Variants in SYNE1 observed in about 807,000 individuals in gnomAD.
SYNE1 encodes the protein spectrin repeat containing nuclear envelope protein 1.
A neutral mutation model predicts 1,111.0 loss-of-function variants in SYNE1; 616 were observed. The observed-to-expected ratio is 0.55, with a 90% CI of 0.52 to 0.59. The LOEUF (loss-of-function observed/expected upper bound fraction) is 0.59, where lower values mean the gene tolerates loss of function less well. SYNE1 is among the 20% of genes least tolerant of loss of function. SYNE1 has a pLI of 0.00. For missense variants in SYNE1, 10,006 were observed against 10,417.0 expected, an observed-to-expected ratio of 0.96 and a Z score of 1.72; for synonymous variants, 3,855 against 3,825.8, an observed-to-expected ratio of 1.01 and a Z score of -0.28.
Position 152,152,310 on chromosome 6 carries a change from T to C in SYNE1, c.24130-169A>G, listed in dbSNP as rs1327336397. Among the ~76,000 whole-genome samples, 3 of 152,216 alleles carry C rather than the reference T, an allele frequency of 2.0e-5. No individual in the cohort carries two copies. In the East Asian group the frequency reaches 5.8e-4, roughly 29 times the overall value. ...TTCCCCTTGTTAATGCAAAGTCATC[T>C]AGTCAGCGTAACTTAAAGGAAAGGG... On this transcript the variant is annotated intron_variant, in intron 133 of 145. Transcript: ENST00000367255.
chr6:152,420,907 A>G (rs1053451824), intron 39 of SYNE1, among the ~76,000 whole-genome samples: 4 of 152,168 alleles, frequency 2.6e-5, no homozygotes, highest in Non-Finnish European at 5.9e-5. Flanking sequence ...TGATTTTTCC[A>G]GAAATTGGAG....
At chr6:152,129,919 G>C (rs887621990) in intron 145 of SYNE1, among the ~76,000 whole-genome samples, 1 of 152,180 alleles carries the variant, frequency 6.6e-6, no homozygotes, top group Admixed American at 6.5e-5. Context: ...TTAGAAAGCT[G>C]TCTGGGGAAA....
At chr6:152,523,185 A>G (rs1433987549) in intron 5 of SYNE1, among the ~76,000 whole-genome samples, 1 of 152,046 alleles carries the variant, frequency 6.6e-6, no homozygotes, top group East Asian at 1.9e-4. Flanking sequence ...ATGGGGTTTC[A>G]GGTCTTAGAT....
chr6:152,167,000 G>A (rs1391896975), intron 130 of SYNE1, among the ~76,000 whole-genome samples: 4 of 151,930 alleles, frequency 2.6e-5, no homozygotes, highest in Non-Finnish European at 4.4e-5. Context: ...ATCTATCATC[G>A]TGAGAAGTCT....
rs760044023 is a variant in SYNE1, at chr6:152,359,298, A to G, written c.10443+17T>C. 1.2e-6 allele frequency: 2 copies of G among 1,613,438 alleles called. No individual in the cohort carries two copies. Among genetic ancestry groups the G allele is most frequent in the Admixed American group, 1.7e-5 (1 of 60,014 alleles). On this transcript the variant is annotated intron_variant, in intron 65 of 145. Transcript: ENST00000367255. ...CTCCCCTTTTGGTGAGTCTACAAGG[A>G]AAGTGCTTTGCCGTACCTTGGCCCT... is the stretch of plus-strand genomic sequence containing the variant.
intron 9 of SYNE1, among the ~76,000 whole-genome samples, chr6:152,502,961 A>G (rs1277183074): frequency 6.6e-6 from 1 of 152,176 alleles, no homozygotes; most frequent in African/African-American, 2.4e-5. Context: ...ATTTAAACAA[A>G]CAGCGTTTAA....
At chr6:152,392,630 A>T (rs6922428) in intron 51 of SYNE1, among the ~76,000 whole-genome samples, 1 of 152,172 alleles carries the variant, frequency 6.6e-6, no homozygotes, top group Non-Finnish European at 1.5e-5. Context: ...TAAGAGTTAT[A>T]CAACAAGACA....
At chr6:152,332,713 T>C (rs536198369) in intron 77 of SYNE1, among the ~76,000 whole-genome samples, 85 of 152,348 alleles carry the variant, frequency 5.6e-4, no homozygotes, top group African/African-American at 2.0e-3. Context: ...GGCTACTTAA[T>C]TGTGTACTTG....
chr6:152,359,211 GT>G, intron 65 of SYNE1, 103 bp downstream of exon 65: 2 of 1,528,490 alleles, frequency 1.3e-6, no homozygotes, highest in Non-Finnish European at 1.8e-6. Context: ...CTTTTGTTCT[GT>G]TTTCCCAAGC....
chr6:152,298,798 CA>C (rs2095022736), intron 93 of SYNE1, among the ~76,000 whole-genome samples: 2 of 152,122 alleles, frequency 1.3e-5, no homozygotes, highest in African/African-American at 4.8e-5. Context: ...ACAAAAATAA[CA>C]TGTGGCCGTA....
At chr6:152,488,255 A>G in intron 12 of SYNE1, 141 bp downstream of exon 12, 1 of 600,068 alleles carries the variant, frequency 1.7e-6, no homozygotes, top group Non-Finnish European at 2.9e-6. Flanking sequence ...ATTATATGCA[A>G]ACTTAGGGTA....
chr6:152,462,971 T>A, intron 19 of SYNE1, 81 bp from the exon 20 acceptor site: 1 of 1,506,458 alleles, frequency 6.6e-7, no homozygotes, highest in South Asian at 1.1e-5. Flanking sequence ...CTTTCACATA[T>A]TCGCTGGAAT....
At chr6:152,154,772 C>T in intron 133 of SYNE1, 120 bp downstream of exon 133, 1 of 1,142,312 alleles carries the variant, frequency 8.8e-7, no homozygotes, top group Non-Finnish European at 1.3e-6. Flanking sequence ...GCAAAGTCCT[C>T]ACGCAGCAAT....
Position 152,189,325 on chromosome 6 carries a change from C to T in SYNE1, c.23228G>A (p.Ser7743Asn). 3 of 1,613,978 alleles carry T rather than the reference C, an allele frequency of 1.9e-6. No individual in the cohort carries two copies. The highest frequency in any genetic ancestry group is 2.5e-6 in the Non-Finnish European group (3 of 1,179,904). Residue 7743 changes from serine (S) to asparagine (N), a missense_variant, in exon 128 of 146, where the codon AGT becomes AAT. Ser to Asn is a conservative substitution (Grantham distance 46). Coordinates refer to ENST00000367255, the MANE Select transcript of SYNE1 (RefSeq NM_182961.4). The part of the protein sequence containing the change: ...LLKDTLSAYI[S>N]ADDISILNER... ...ATTAAGAATGGAGATATCATCAGCACTGATATAGGCAGAGAGGGTGTCCTT... is the reference window on the plus strand; with the variant it reads ...ATTAAGAATGGAGATATCATCAGCATTGATATAGGCAGAGAGGGTGTCCTT...
In SYNE1 at chr6:152,495,403, C is replaced by A. The variant is rs562608564; in HGVS notation, c.939+3339G>T. The stretch of plus-strand genomic sequence containing the variant: ...CCAGTTGTCCCATCAATCCCCATTA[C>A]AACTTCTAATGGCTGCTGCCCTAGC... On this transcript the variant is annotated intron_variant, in intron 11 of 145. Coordinates refer to ENST00000367255, the MANE Select transcript of SYNE1 (RefSeq NM_182961.4). Among the ~76,000 whole-genome samples, 6 of 152,346 alleles carry A rather than the reference C, an allele frequency of 3.9e-5. No individual in the cohort carries two copies. The East Asian group carries it at 5.8e-4, about 15-fold the overall frequency.
chr6:152,139,870 G>T, intron 140 of SYNE1, 80 bp downstream of exon 140: 1 of 1,486,368 alleles, frequency 6.7e-7, no homozygotes, highest in South Asian at 1.1e-5. Context: ...AGAGCAGCTC[G>T]AACTAGAGGT....
At position 152,255,636 on chromosome 6, in the gene SYNE1, T is replaced by G; in HGVS notation, c.19215A>C (p.Thr6405=). 1 of 1,614,222 alleles carries G rather than the reference T, an allele frequency of 6.2e-7. No homozygotes were observed. Among genetic ancestry groups the G allele is most frequent in the Non-Finnish European group, 8.5e-7 (1 of 1,180,036 alleles). Residue 6405 remains threonine, a synonymous_variant, in exon 103 of 146, where the codon ACA becomes ACC. Coordinates refer to ENST00000367255, the MANE Select transcript of SYNE1 (RefSeq NM_182961.4). The part of the protein sequence containing the change: ...DDVEERLFVA[T]ALLPEETETC... The stretch of plus-strand genomic sequence containing the variant: ...TCTCTGTTTCTTCTGGTAAAAGTGC[T>G]GTGGCAACAAATAAACGTTCTTCAA...
intron 98 of SYNE1, among the ~76,000 whole-genome samples, chr6:152,269,810 T>A (rs1030995418): frequency 1.3e-5 from 2 of 152,178 alleles, no homozygotes; most frequent in African/African-American, 4.8e-5. Context: ...CATTTTAATG[T>A]CTTTGAGAAG....
intron 131 of SYNE1, among the ~76,000 whole-genome samples, chr6:152,156,916 C>T (rs543732198): frequency 1.3e-5 from 2 of 152,216 alleles, no homozygotes; most frequent in Non-Finnish European, 2.9e-5. Flanking sequence ...AAACTTCTGC[C>T]TCCCGAGTTC....
Sources: allele counts gnomAD v4.1 joint callset (sites outside exome capture counted in the v4.1 genomes callset), GRCh38; gene constraint gnomAD v4.1.1; transcripts MANE v1.5; gene names NCBI Gene and HGNC (gene_info 2026-07-23, HGNC 2026-07-21).